The following CDK13 variants were observed in gnomAD, a reference collection of about 807,000 sequenced individuals.
CDK13 encodes the protein cyclin dependent kinase 13.
Under a neutral mutation model 137.6 loss-of-function variants are expected in CDK13, and 40 were observed. The observed-to-expected ratio is 0.29, with a 90% CI of 0.23 to 0.38. CDK13 has a LOEUF of 0.38. Ranked by LOEUF, CDK13 falls within the 10% of genes least tolerant of loss-of-function variation. CDK13 has a pLI of 1.00. For missense variants in CDK13, 1,704 were observed against 1,951.8 expected (o/e 0.87, Z 2.39); for synonymous variants, 869 against 760.1 (o/e 1.14, Z -2.36).
At chr7:40,075,591 A>T (rs535258121) in intron 9 of CDK13, among the ~76,000 whole-genome samples, 2 of 152,246 alleles carry the variant, frequency 1.3e-5, no homozygotes, top group South Asian at 4.2e-4. Context: ...AATAAAATTA[A>T]TCTTAAGTTT....
chr7:39,995,079 T>C (rs1229191172), intron 2 of CDK13, among the ~76,000 whole-genome samples: 1 of 152,108 alleles, frequency 6.6e-6, no homozygotes, highest in South Asian at 2.1e-4. Context: ...TTTTTTTCTG[T>C]TGCTGGTGTG....
intron 5 of CDK13, among the ~76,000 whole-genome samples, chr7:40,007,408 T>G (rs968570018): frequency 6.6e-6 from 1 of 152,176 alleles, no homozygotes; most frequent in Non-Finnish European, 1.5e-5. Flanking sequence ...AGTACTTTCA[T>G]ATAACTTGTA....
In CDK13 at chr7:40,013,534, A is replaced by T. The variant is rs151321794; in HGVS notation, c.2353+11503A>T. ...AACAGACTATGTATTATATGATTCCATTTATATGAAATATCTAGAATAGGT... is the reference window on the plus strand; with the variant it reads ...AACAGACTATGTATTATATGATTCCTTTTATATGAAATATCTAGAATAGGT... On this transcript the variant is annotated intron_variant, in intron 5 of 13. Coordinates refer to ENST00000181839, the MANE Select transcript of CDK13 (RefSeq NM_003718.5). Among the ~76,000 whole-genome samples the T allele has an allele frequency of 7.1e-3, 1,087 of 152,368 alleles. 3 individuals carry two copies. The highest frequency in any genetic ancestry group is 0.01 in the Non-Finnish European group (690 of 68,038).
chr7:40,088,235 T>C lies in CDK13; in HGVS notation c.3139T>C (p.Leu1047=), dbSNP rs1786835509. 1 of 1,614,014 alleles carries C rather than the reference T, an allele frequency of 6.2e-7. No individual in the cohort carries two copies. ...VSTIKAPRKD[L]SLGLDDSRTN... is the part of the protein sequence containing the mutation. Reference sequence around the variant, plus strand: ...CACAATTAAAGCCCCCAGGAAGGACTTGTCTCTGGGCTTGGATGACAGCAG... The same window carrying C: ...CACAATTAAAGCCCCCAGGAAGGACCTGTCTCTGGGCTTGGATGACAGCAG... Residue 1047 remains leucine (L), a synonymous_variant, in exon 12 of 14, where the codon TTG becomes CTG. Transcript: ENST00000181839.
At chr7:40,013,891 G>A (rs1310930774) in intron 5 of CDK13, among the ~76,000 whole-genome samples, 1 of 152,044 alleles carries the variant, frequency 6.6e-6, no homozygotes, top group Non-Finnish European at 1.5e-5. Context: ...TGTTATAAAA[G>A]ATGAGACTGT....
chr7:39,950,898 C>G lies in CDK13; in HGVS notation c.257C>G (p.Pro86Arg), dbSNP rs1299388344. Residue 86 changes from proline to arginine, a missense_variant, in exon 1 of 14, where the codon CCT (proline) becomes CGT (arginine). Coordinates refer to ENST00000181839, the MANE Select transcript of CDK13 (RefSeq NM_003718.5). Reference sequence around the variant, plus strand: ...TCCTCTTGCTTCAGCCCGGGCCCCCCTCTGGAGGTCAAGCGGCTGGCGAGA... The same window carrying G: ...TCCTCTTGCTTCAGCCCGGGCCCCCGTCTGGAGGTCAAGCGGCTGGCGAGA... Reference protein sequence around the residue: ...ASSSCFSPGPPLEVKRLARGK... With the variant: ...ASSSCFSPGPRLEVKRLARGK... 2.2e-6 allele frequency: 3 copies of G among 1,340,576 alleles called. No homozygotes were observed. Among genetic ancestry groups the G allele is most frequent in the East Asian group, 3.1e-5 (1 of 32,436 alleles). The allele number at this position is 1,340,576 out of a possible 1,614,324, so 83.0% of individuals were successfully genotyped here. A position where few individuals can be genotyped will look rare whatever the true frequency, so the allele number is the denominator to read the frequency against.
Position 40,064,233 on chromosome 7 carries a change from G to A in CDK13, c.2780+1133G>A, listed in dbSNP as rs374721442. On this transcript the variant is annotated intron_variant, in intron 9 of 13. Coordinates refer to ENST00000181839, the MANE Select transcript of CDK13 (RefSeq NM_003718.5). ...CAGGAGGCGAAGGTTGCTGTGAGCC[G>A]AGATTGTGCCACGGCACTCCAGCCT... is the stretch of plus-strand genomic sequence containing the variant. Among the ~76,000 whole-genome samples, 21 of 147,356 alleles carry A rather than the reference G, an allele frequency of 1.4e-4. No individual in the cohort carries two copies. In the Middle Eastern group the frequency reaches 0.014, roughly 100 times the overall value.
chr7:40,053,190 C>T (rs1785932572), intron 7 of CDK13, among the ~76,000 whole-genome samples: 1 of 152,080 alleles, frequency 6.6e-6, no homozygotes, highest in African/African-American at 2.4e-5. Context: ...TGAATACTTA[C>T]AAAACTGAAT....
Position 40,093,015 on chromosome 7 carries a change from T to C in CDK13, c.3466T>C (p.Leu1156=), listed in dbSNP as rs149929850. 5.6e-6 allele frequency: 9 copies of C among 1,614,062 alleles called. No individual in the cohort carries two copies. The highest frequency in any genetic ancestry group is 1.6e-4 in the Middle Eastern group (1 of 6,062). The part of the protein sequence containing the change: ...STPQQESSKP[L]GGIQPSSQTI... Reference sequence around the variant, plus strand: ...ACCACAACAGGAGTCTTCGAAACCGTTGGGAGGAATTCAGCCTTCTTCTCA... The same window carrying C: ...ACCACAACAGGAGTCTTCGAAACCGCTGGGAGGAATTCAGCCTTCTTCTCA... Residue 1156 remains leucine, a synonymous_variant, in exon 13 of 14, where the codon TTG becomes CTG. Coordinates refer to ENST00000181839, the MANE Select transcript of CDK13 (RefSeq NM_003718.5).
At position 39,950,270 on chromosome 7, in the gene CDK13, C is replaced by T. The variant is rs970860717; in HGVS notation, c.-372C>T. The stretch of plus-strand genomic sequence containing the variant: ...ACGAAGGTGGTACTTCCGCGTTGCG[C>T]TGCCCGAGCCGAGAGCGCGGCCAAG... On this transcript the variant is annotated 5_prime_UTR_variant, in exon 1 of 14. Transcript: ENST00000181839. 8.6e-6 allele frequency: 9 copies of T among 1,050,286 alleles called. No individual in the cohort carries two copies. In the East Asian group the frequency reaches 3.4e-4, roughly 40 times the overall value. 65.1% of individuals were successfully genotyped at this position (1,050,286 alleles called of 1,614,324 possible). A position where few individuals can be genotyped will look rare whatever the true frequency, so the allele number is the denominator to read the frequency against.
intron 1 of CDK13, chr7:39,952,526 A>G (rs1003857794): frequency 6.6e-6 from 1 of 152,220 alleles, no homozygotes; most frequent in Non-Finnish European, 1.5e-5. Flanking sequence ...TAGAAGGTAG[A>G]AAAAATGACA....
At chr7:39,981,570 T>C (rs759190707) in intron 1 of CDK13, among the ~76,000 whole-genome samples, 5 of 152,190 alleles carry the variant, frequency 3.3e-5, no homozygotes, top group Admixed American at 2.0e-4. Flanking sequence ...TGTTTAGTTT[T>C]AGGTTCCCAA....
chr7:40,095,016 G>A lies in CDK13; in HGVS notation c.*36G>A. 7.5e-7 allele frequency: 1 copy of A among 1,342,014 alleles called. No homozygotes were observed. The highest frequency in any genetic ancestry group is 2.7e-5 in the East Asian group (1 of 36,760). 83.1% of individuals were successfully genotyped at this position (1,342,014 alleles called of 1,614,324 possible). On this transcript the variant is annotated 3_prime_UTR_variant, in exon 14 of 14. Coordinates refer to ENST00000181839, the MANE Select transcript of CDK13 (RefSeq NM_003718.5). ...TTCCTCAGGCACATCATTTTTATCT[G>A]GAAAGACTTTTCTAGCTGCAATTTA...
intron 7 of CDK13, among the ~76,000 whole-genome samples, chr7:40,053,740 A>G (rs1785946812): frequency 6.6e-6 from 1 of 151,394 alleles, no homozygotes; most frequent in South Asian, 2.1e-4. Context: ...ATTATAATTT[A>G]TATTACCACC....
intron 1 of CDK13, among the ~76,000 whole-genome samples, chr7:39,978,640 A>G (rs140184492): frequency 1.1e-3 from 163 of 152,372 alleles, no homozygotes; most frequent in African/African-American, 3.8e-3. Flanking sequence ...TAAGCCAGCT[A>G]TTGTCATAGA....
chr7:39,950,295 G>A lies in CDK13; in HGVS notation c.-347G>A, dbSNP rs1457252303. 9.2e-7 allele frequency: 1 copy of A among 1,086,628 alleles called. No homozygotes were observed. Among genetic ancestry groups the A allele is most frequent in the African/African-American group, 1.6e-5 (1 of 60,950 alleles). The allele number at this position is 1,086,628 out of a possible 1,614,324, so 67.3% of individuals were successfully genotyped here. A position where few individuals can be genotyped will look rare whatever the true frequency, so the allele number is the denominator to read the frequency against. On this transcript the variant is annotated 5_prime_UTR_variant, in exon 1 of 14. Coordinates refer to ENST00000181839, the MANE Select transcript of CDK13 (RefSeq NM_003718.5). The stretch of plus-strand genomic sequence containing the variant: ...CTGCCCGAGCCGAGAGCGCGGCCAA[G>A]GCCGCTCCCCCACCCCCGGGGGCAC...
chr7:40,057,876 TAGG>T (rs1294256094), intron 7 of CDK13, among the ~76,000 whole-genome samples: 12 of 152,084 alleles, frequency 7.9e-5, no homozygotes, highest in Non-Finnish European at 1.5e-4. Context: ...GGAGTTCAAA[TAGG>T]GGGAAAGAAC....
rs373481547 is a variant in CDK13, at chr7:39,999,435, A to G, written c.2117A>G (p.Asp706Gly). 3.7e-6 allele frequency: 6 copies of G among 1,613,330 alleles called. No homozygotes were observed. The highest frequency in any genetic ancestry group is 1.3e-5 in the African/African-American group (1 of 74,880). ...GGAAAACGCTGCGTGGATAAATTTG[A>G]TATCATCGGAATTATTGGAGAAGGT... ...DWGKRCVDKFDIIGIIGEGTY... is the reference protein window; with the variant it reads ...DWGKRCVDKFGIIGIIGEGTY... The change falls in exon 4 of 14, where the codon GAT becomes GGT. Residue 706 changes from aspartate to glycine, a missense_variant. Physicochemically the swap from Asp to Gly is moderately conservative, Grantham distance 94 (BLOSUM62 -1). Coordinates refer to ENST00000181839, the MANE Select transcript of CDK13 (RefSeq NM_003718.5).
At position 39,951,291 on chromosome 7, in the gene CDK13, G is replaced by A. The variant is rs1249324349; in HGVS notation, c.650G>A (p.Arg217Gln). The A allele has an allele frequency of 2.9e-6, 4 of 1,363,908 alleles. No individual in the cohort carries two copies. The highest frequency in any genetic ancestry group is 3.7e-6 in the Non-Finnish European group (4 of 1,067,420). 84.5% of individuals were successfully genotyped at this position (1,363,908 alleles called of 1,614,324 possible). A position where few individuals can be genotyped will look rare whatever the true frequency, so the allele number is the denominator to read the frequency against. The change falls in exon 1 of 14, where the codon CGG (arginine) becomes CAG (glutamine). Residue 217 changes from arginine to glutamine, a missense_variant. Physicochemically the swap from Arg to Gln is conservative, Grantham distance 43 (BLOSUM62 1). Transcript: ENST00000181839. The part of the protein sequence containing the change: ...GRSKERHREH[R>Q]RRDGQRGGSE... ...AGCAAGGAGCGCCACCGCGAGCACCGGCGGCGGGATGGGCAGCGCGGTGGC... is the reference window on the plus strand; with the variant it reads ...AGCAAGGAGCGCCACCGCGAGCACCAGCGGCGGGATGGGCAGCGCGGTGGC...
Sources: gnomAD v4.1 joint callset for allele counts (sites outside exome capture counted in the v4.1 genomes callset) on GRCh38, gnomAD v4.1.1 for gene constraint, MANE v1.5 for transcripts, NCBI Gene and HGNC (gene_info 2026-07-23, HGNC 2026-07-21) for gene names.